PLCB4: variants seen among roughly 807,000 people sequenced by gnomAD.
PLCB4 encodes the protein 1-phosphatidylinositol 4,5-bisphosphate phosphodiesterase beta-4.
A neutral mutation model predicts 178.8 loss-of-function variants in PLCB4; 77 were observed. That is an observed-to-expected ratio of 0.43 (90% confidence interval 0.36 to 0.52). The LOEUF (loss-of-function observed/expected upper bound fraction) is 0.52. Ranked by LOEUF, PLCB4 falls within the 20% of genes least tolerant of loss-of-function variation. PLCB4 has a pLI of 0.00. For synonymous variants in PLCB4, 496 were observed against 490.8 expected (o/e 1.01, Z -0.14); for missense variants, 1,024 against 1,453.4 (o/e 0.70, Z 4.80).
chr20:9,433,004 A>G (rs6039467), intron 28 of PLCB4, among the ~76,000 whole-genome samples: 1 of 151,930 alleles, frequency 6.6e-6, no homozygotes, highest in Non-Finnish European at 1.5e-5. Flanking sequence ...ATTGTTGTGA[A>G]GAGAGATAGC....
At chr20:9,083,310 A>G (rs9808610) in intron 1 of PLCB4, among the ~76,000 whole-genome samples, 73,872 of 151,656 alleles carry the variant, frequency 0.49, 18,494 homozygotes, top group Middle Eastern at 0.57. Context: ...ATCCTCACAC[A>G]GGATACGAGA....
At chr20:9,153,463 A>C (rs1363852265) in intron 2 of PLCB4, among the ~76,000 whole-genome samples, 2 of 151,760 alleles carry the variant, frequency 1.3e-5, no homozygotes, top group East Asian at 1.9e-4. Context: ...AGGGGTTCCC[A>C]CTCTTGCTTC....
At chr20:9,117,435 A>G (rs1323898760) in intron 2 of PLCB4, among the ~76,000 whole-genome samples, 1 of 152,184 alleles carries the variant, frequency 6.6e-6, no homozygotes, top group African/African-American at 2.4e-5. Context: ...GATTTGAATG[A>G]TGGAAATCGC....
intron 32 of PLCB4, among the ~76,000 whole-genome samples, chr20:9,452,127 T>A (rs2042807088): frequency 6.6e-6 from 1 of 152,222 alleles, no homozygotes; most frequent in Non-Finnish European, 1.5e-5. Context: ...GCTGAGGCCT[T>A]GTGCATGAAT....
chr20:9,276,625 C>G (rs2094452783), intron 3 of PLCB4, among the ~76,000 whole-genome samples: 1 of 152,030 alleles, frequency 6.6e-6, no homozygotes, highest in African/African-American at 2.4e-5. Flanking sequence ...TGTTCTGTGC[C>G]ATTCCTAGTC....
chr20:9,093,987 G>A (rs2090795851), intron 1 of PLCB4, among the ~76,000 whole-genome samples: 1 of 152,102 alleles, frequency 6.6e-6, no homozygotes, highest in African/African-American at 2.4e-5. Flanking sequence ...TAAGCAGGTA[G>A]CAGATCTGAT....
chr20:9,406,028 G>A (rs972723115), intron 21 of PLCB4, among the ~76,000 whole-genome samples: 4 of 152,140 alleles, frequency 2.6e-5, no homozygotes, highest in South Asian at 2.1e-4. Flanking sequence ...AAATATGGTC[G>A]CAGGCCTGTC....
intron 3 of PLCB4, among the ~76,000 whole-genome samples, chr20:9,238,123 A>G (rs191809550): frequency 9.4e-4 from 143 of 152,310 alleles, no homozygotes; most frequent in African/African-American, 3.2e-3. Flanking sequence ...GCAGCTGGAA[A>G]GAGAGTTCTG....
At chr20:9,130,109 A>G (rs1375625245) in intron 2 of PLCB4, among the ~76,000 whole-genome samples, 1 of 152,148 alleles carries the variant, frequency 6.6e-6, no homozygotes, top group African/African-American at 2.4e-5. Flanking sequence ...TCAAGATGAA[A>G]ATGCAATGCA....
chr20:9,371,649 C>T (rs113246896), intron 10 of PLCB4, among the ~76,000 whole-genome samples: 5 of 152,326 alleles, frequency 3.3e-5, no homozygotes, highest in African/African-American at 9.6e-5. Context: ...CTCACCAACA[C>T]TGCCTCAACC....
chr20:9,074,791 CT>C (rs10627363), intron 1 of PLCB4, among the ~76,000 whole-genome samples: 16,128 of 64,382 alleles, frequency 0.25, 1,367 homozygotes, highest in Middle Eastern at 0.35. Context: ...CCCAGCTAGG[CT>C]TTTTTTTTTT....
chr20:9,183,306 C>T (rs933724408), intron 2 of PLCB4, among the ~76,000 whole-genome samples: 2 of 152,134 alleles, frequency 1.3e-5, no homozygotes, highest in African/African-American at 4.8e-5. Flanking sequence ...ACAACGGCCA[C>T]ATTTCCCTCC....
intron 3 of PLCB4, among the ~76,000 whole-genome samples, chr20:9,269,229 T>C (rs1023769821): frequency 1.3e-5 from 2 of 152,114 alleles, no homozygotes; most frequent in Non-Finnish European, 2.9e-5. Context: ...AATCAGTGAG[T>C]ATAGGTTTTA....
chr20:9,138,619 A>G (rs1334390169), intron 2 of PLCB4, among the ~76,000 whole-genome samples: 1 of 152,122 alleles, frequency 6.6e-6, no homozygotes, highest in Non-Finnish European at 1.5e-5. Flanking sequence ...TGAAAATATG[A>G]TGGGTTGCTT....
intron 2 of PLCB4, among the ~76,000 whole-genome samples, chr20:9,206,299 C>CTTTTTTTT (rs71184138): frequency 1.4e-4 from 13 of 96,102 alleles, no homozygotes; most frequent in South Asian, 3.8e-4. Context: ...TTTCTTTTTT[C>CTTTTTTTT]TTTTTTTTTT....
At chr20:9,411,161 A>T (rs529218820) in intron 25 of PLCB4, 73 bp downstream of exon 25, 26 of 984,828 alleles carry the variant, frequency 2.6e-5, no homozygotes, top group Middle Eastern at 2.1e-4. Flanking sequence ...AAGCCATGTC[A>T]TTTTCAATTA....
At chr20:9,118,263 T>C (rs2091848675) in intron 2 of PLCB4, among the ~76,000 whole-genome samples, 1 of 109,860 alleles carries the variant, frequency 9.1e-6, no homozygotes, top group African/African-American at 3.7e-5. Flanking sequence ...GATATTCCCC[T>C]TCCTGTGTCC....
chr20:9,447,256 T>A (rs2042469611), intron 32 of PLCB4, among the ~76,000 whole-genome samples: 1 of 152,224 alleles, frequency 6.6e-6, no homozygotes, highest in African/African-American at 2.4e-5. Flanking sequence ...CTCACAATTT[T>A]GTGCATCAGT....
At chr20:9,477,392 T>C (rs1412570977) in intron 39 of PLCB4, among the ~76,000 whole-genome samples, 4 of 152,200 alleles carry the variant, frequency 2.6e-5, no homozygotes, top group African/African-American at 9.6e-5. Flanking sequence ...GTCACCCAAC[T>C]CATATAAGAA....
Sources: gnomAD v4.1 joint callset for allele counts (sites outside exome capture counted in the v4.1 genomes callset) on GRCh38, gnomAD v4.1.1 for gene constraint, MANE v1.5 for transcripts, NCBI Gene and HGNC (gene_info 2026-07-23, HGNC 2026-07-21) for gene names.